The following PPP2R1A variants were observed in gnomAD, a reference collection of about 807,000 sequenced individuals.
PPP2R1A encodes the protein protein phosphatase 2 scaffold subunit Aalpha, also known as serine/threonine-protein phosphatase 2A 65 kDa regulatory subunit A alpha isoform.
Under a neutral mutation model 67.1 loss-of-function variants are expected in PPP2R1A, and 15 were observed. The observed-to-expected ratio is 0.22, with a 90% CI of 0.15 to 0.34. The LOEUF is 0.34. Ranked by LOEUF, PPP2R1A falls within the 10% of genes least tolerant of loss-of-function variation. PPP2R1A has a pLI of 1.00. For missense variants in PPP2R1A, 369 were observed against 775.0 expected (o/e 0.48, Z 6.22); for synonymous variants, 337 against 325.0 (o/e 1.04, Z -0.40).
In PPP2R1A at chr19:52,212,952, T is replaced by C. The variant is rs2122337279; in HGVS notation, c.652-3T>C. ...CCTCCCACTGTTCCTCTCCTCTCCC[T>C]AGGACTCGGTGCGGCTGCTGGCGGT... On this transcript the variant is annotated splice_polypyrimidine_tract_variant and splice_region_variant and intron_variant, in intron 5 of 14. Transcript: ENST00000322088. This position sits in a 1 kb window ranked among gnomAD's most constrained non-coding sequence, Gnocchi z 4.1. The C allele has an allele frequency of 6.3e-7, 1 of 1,592,792 alleles. No homozygotes were observed. The highest frequency in any genetic ancestry group is 8.5e-7 in the Non-Finnish European group (1 of 1,169,746).
intron 1 of PPP2R1A, among the ~76,000 whole-genome samples, chr19:52,192,733 G>A (rs1366606762): frequency 6.6e-6 from 1 of 152,106 alleles, no homozygotes; most frequent in Non-Finnish European, 1.5e-5. Context: ...TTTGTGCCAG[G>A]ATCAGAGCTA....
chr19:52,192,097 G>A (rs1410382490), intron 1 of PPP2R1A, among the ~76,000 whole-genome samples: 1 of 152,144 alleles, frequency 6.6e-6, no homozygotes, highest in Non-Finnish European at 1.5e-5. Flanking sequence ...GTTTTAAAGT[G>A]TGGTCAGGGG....
chr19:52,206,124 G>T lies in PPP2R1A; in HGVS notation c.270+61G>T, dbSNP rs965413945. ...TTAGGGTCGGCCCATGGTCCTGCCG[G>T]CCTAGGGCAGGGAGGGGAGCGTGTC... On this transcript the variant is annotated intron_variant, in intron 3 of 14. Transcript: ENST00000322088. 8 of 1,466,686 alleles carry T rather than the reference G, an allele frequency of 5.5e-6. No individual in the cohort carries two copies. In the African/African-American group the frequency reaches 1.1e-4, roughly 20 times the overall value. 90.9% of individuals were successfully genotyped at this position (1,466,686 alleles called of 1,614,324 possible).
intron 2 of PPP2R1A, among the ~76,000 whole-genome samples, chr19:52,202,259 A>G (rs2089557131): frequency 6.8e-6 from 1 of 148,136 alleles, no homozygotes; most frequent in Non-Finnish European, 1.5e-5. Context: ...AGGTAGAACG[A>G]GGTTTGAGTT....
At chr19:52,218,159 G>T (rs1335128037) in intron 9 of PPP2R1A, among the ~76,000 whole-genome samples, 1 of 152,220 alleles carries the variant, frequency 6.6e-6, no homozygotes, top group Non-Finnish European at 1.5e-5. Context: ...GTGCTGGTGT[G>T]TGACATCTTT....
chr19:52,198,476 G>A (rs927977838), intron 1 of PPP2R1A, among the ~76,000 whole-genome samples: 5 of 152,020 alleles, frequency 3.3e-5, no homozygotes, highest in African/African-American at 9.7e-5. Context: ...TTGCTGGAGC[G>A]GCTCACAGAA....
At chr19:52,209,651 A>G (rs1030800182) in intron 3 of PPP2R1A, among the ~76,000 whole-genome samples, 12 of 152,178 alleles carry the variant, frequency 7.9e-5, no homozygotes, top group African/African-American at 2.7e-4. Context: ...CTGAAATTCC[A>G]AACCCATTGG....
chr19:52,208,075 T>C (rs1435936773), intron 3 of PPP2R1A, among the ~76,000 whole-genome samples: 1 of 152,174 alleles, frequency 6.6e-6, no homozygotes, highest in African/African-American at 2.4e-5. Context: ...CAGAGATGTG[T>C]CAGACCCACT....
Position 52,219,920 on chromosome 19 carries a change from T to C in PPP2R1A, c.1302+56T>C. On this transcript the variant is annotated intron_variant, in intron 10 of 14. Coordinates refer to ENST00000322088, the MANE Select transcript of PPP2R1A (RefSeq NM_014225.6). This position sits in a 1 kb window ranked among gnomAD's most constrained non-coding sequence, Gnocchi z 4.0. ...GCTGCCTCAGGGGAGGTGCAGTATG[T>C]CCAGGGCTGTGATGGGGAAACGGGG... 1.3e-6 allele frequency: 2 copies of C among 1,551,456 alleles called. No individual in the cohort carries two copies. Among genetic ancestry groups the C allele is most frequent in the East Asian group, 2.3e-5 (1 of 44,054 alleles).
rs573125497 is a variant in PPP2R1A at position 52,211,547 on chromosome 19, C to G, written c.503+55C>G. On this transcript the variant is annotated intron_variant, in intron 4 of 14. Transcript: ENST00000322088. This position sits in a 1 kb window ranked among gnomAD's most constrained non-coding sequence, Gnocchi z 5.3. Reference sequence around the variant, plus strand: ...GCTCCCATCTCAGCTCCAACCTTCTCTAAAGCCTCAGACTCCTTTTGGTCT... The same window carrying G: ...GCTCCCATCTCAGCTCCAACCTTCTGTAAAGCCTCAGACTCCTTTTGGTCT... The G allele has an allele frequency of 6.5e-7, 1 of 1,539,048 alleles. No individual in the cohort carries two copies. The highest frequency in any genetic ancestry group is 1.2e-5 in the South Asian group (1 of 81,066).
intron 12 of PPP2R1A, 151 bp downstream of exon 12, chr19:52,221,284 T>G: frequency 3.3e-6 from 4 of 1,209,882 alleles, no homozygotes; most frequent in Non-Finnish European, 4.6e-6. Flanking sequence ...CTTGGGGAAC[T>G]GCAGGCAAGG....
At chr19:52,205,906 T>G in intron 2 of PPP2R1A, 57 bp from the exon 3 acceptor site, 1 of 1,433,746 alleles carries the variant, frequency 7.0e-7, no homozygotes, top group Non-Finnish European at 9.8e-7. Flanking sequence ...TGTTCTGAGC[T>G]TGGGCTGGGG....
intron 9 of PPP2R1A, among the ~76,000 whole-genome samples, chr19:52,218,739 A>G (rs1166214829): frequency 6.6e-6 from 1 of 152,164 alleles, no homozygotes; most frequent in Non-Finnish European, 1.5e-5. Context: ...TGCCTCTGGC[A>G]TGAGGGAAGG....
rs1037400158 is a variant in PPP2R1A, at chr19:52,213,603, C to T, written c.807+493C>T. Among the ~76,000 whole-genome samples the T allele has an allele frequency of 6.6e-6, 1 of 151,500 alleles. No individual in the cohort carries two copies. The highest frequency in any genetic ancestry group is 6.6e-5 in the Admixed American group (1 of 15,204). On this transcript the variant is annotated intron_variant, in intron 6 of 14. Coordinates refer to ENST00000322088, the MANE Select transcript of PPP2R1A (RefSeq NM_014225.6). This position sits in a 1 kb window ranked among gnomAD's most constrained non-coding sequence, Gnocchi z 4.2. ...GTGCAGGCATTTCTCCTGCCTCAGC[C>T]TCCTGAGGGACTGGGATTACAGATG... is the stretch of plus-strand genomic sequence containing the variant.
rs773518340 is a variant in PPP2R1A, at chr19:52,225,698, G to T, written c.1662-19G>T. 1.2e-6 allele frequency: 2 copies of T among 1,611,172 alleles called. No homozygotes were observed. Among genetic ancestry groups the T allele is most frequent in the South Asian group, 1.1e-5 (1 of 91,010 alleles). ...ATCCTGGCTCACCCTCTCTCTCCCT[G>T]TCTCCTTTCGCTTTCCAGCACCTTG... On this transcript the variant is annotated intron_variant, in intron 13 of 14. Transcript: ENST00000322088.
At chr19:52,206,131 GC>G in intron 3 of PPP2R1A, 68 bp downstream of exon 3, 2 of 1,419,734 alleles carry the variant, frequency 1.4e-6, no homozygotes, top group Non-Finnish European at 2.0e-6. Context: ...CCGGCCTAGG[GC>G]AGGGAGGGGA....
chr19:52,195,760 G>T (rs1909860187), intron 1 of PPP2R1A, among the ~76,000 whole-genome samples: 2 of 152,182 alleles, frequency 1.3e-5, no homozygotes, highest in Non-Finnish European at 2.9e-5. Flanking sequence ...ATGGGGGAAG[G>T]GGTGTGGAGC....
Position 52,229,476 on chromosome 19 carries a change from AAG to A in PPP2R1A, c.*3499_*3500del, listed in dbSNP as rs1289295413. On this transcript the variant is annotated 3_prime_UTR_variant, in exon 15 of 15. Coordinates refer to ENST00000322088, the MANE Select transcript of PPP2R1A (RefSeq NM_014225.6). ...AATAATAATTCAGGAACTTGTCAAA[AAG>A]AGAAAATCCAATAAAGATTTAGTGC... The A allele has an allele frequency of 2.6e-5, 4 of 152,264 alleles. No homozygotes were observed. Among genetic ancestry groups the A allele is most frequent in the East Asian group, 3.9e-4 (2 of 5,182 alleles). The allele number at this position is 152,264 out of a possible 1,614,324, so 9.4% of individuals were successfully genotyped here.
At chr19:52,220,122 T>C (rs1978825364) in intron 10 of PPP2R1A, 67 bp from the exon 11 acceptor site, 2 of 1,538,082 alleles carry the variant, frequency 1.3e-6, no homozygotes, top group Non-Finnish European at 1.8e-6. Context: ...CCATGGGATG[T>C]GGCTAGCAGC....
Sources: allele counts gnomAD v4.1 joint callset (sites outside exome capture counted in the v4.1 genomes callset), GRCh38; gene constraint gnomAD v4.1.1; non-coding constraint Gnocchi (gnomAD v3.1); transcripts MANE v1.5; gene names NCBI Gene and HGNC (gene_info 2026-07-23, HGNC 2026-07-21).